CRACR2A: variants seen among roughly 807,000 people sequenced by gnomAD.
The protein encoded by CRACR2A is EF-hand calcium-binding domain-containing protein 4B.
Under a neutral mutation model 90.5 loss-of-function variants are expected in CRACR2A, and 79 were observed. The observed-to-expected ratio is 0.87, with a 90% CI of 0.73 to 1.05. The LOEUF is 1.05. Among genes scored for constraint, CRACR2A ranks in the 50% least tolerant of loss-of-function variants. The pLI, the probability that CRACR2A is intolerant of heterozygous loss-of-function variation, is 0.00. For missense variants in CRACR2A, 823 were observed against 897.2 expected, an observed-to-expected ratio of 0.92 and a Z score of 1.06; for synonymous variants, 338 against 356.7, an observed-to-expected ratio of 0.95 and a Z score of 0.59.
In CRACR2A at chr12:3,680,315, T is replaced by G. The variant is rs1369350512; in HGVS notation, c.263A>C (p.Glu88Ala). Residue 88 changes from glutamate to alanine, a missense_variant, in exon 5 of 20, where the codon GAA becomes GCA. Glu to Ala is a moderately radical substitution (Grantham distance 107). Transcript: ENST00000440314. ...CAGGGCATCAAACACATCCTCCAGTTCCTCCAGGCTGAGCGGTAGCTCCTT... is the reference window on the plus strand; with the variant it reads ...CAGGGCATCAAACACATCCTCCAGTGCCTCCAGGCTGAGCGGTAGCTCCTT... ...LHKELPLSLE[E>A]LEDVFDALDA... The G allele has an allele frequency of 2.5e-6, 4 of 1,614,026 alleles. No individual in the cohort carries two copies. Among genetic ancestry groups the G allele is most frequent in the East Asian group, 4.5e-5 (2 of 44,898 alleles).
chr12:3,688,712 A>G (rs1945606387), intron 4 of CRACR2A, among the ~76,000 whole-genome samples: 1 of 152,122 alleles, frequency 6.6e-6, no homozygotes, highest in Non-Finnish European at 1.5e-5. Context: ...AGTTTTTTCT[A>G]GTTCTGTGAA....
intron 3 of CRACR2A, among the ~76,000 whole-genome samples, chr12:3,707,170 C>T (rs550866391): frequency 2.6e-5 from 4 of 152,168 alleles, no homozygotes; most frequent in African/African-American, 4.8e-5. Flanking sequence ...CATTTGACTG[C>T]CTTTGAAATG....
chr12:3,735,219 G>A (rs1348244080), intron 1 of CRACR2A, among the ~76,000 whole-genome samples: 1 of 152,062 alleles, frequency 6.6e-6, no homozygotes, highest in Non-Finnish European at 1.5e-5. Context: ...AATAAAGCTG[G>A]AAGAAAATGA....
intron 2 of CRACR2A, among the ~76,000 whole-genome samples, chr12:3,714,314 C>T (rs1015434859): frequency 6.6e-6 from 1 of 152,170 alleles, no homozygotes; most frequent in East Asian, 1.9e-4. Flanking sequence ...AATAAAAATA[C>T]ACAGACCAAA....
chr12:3,619,202 C>T, intron 18 of CRACR2A, 69 bp downstream of exon 18: 1 of 1,304,206 alleles, frequency 7.7e-7, no homozygotes, highest in Non-Finnish European at 1.1e-6. Context: ...CACCAAGGCT[C>T]TTGGGCACTT....
chr12:3,700,757 T>C (rs1431968812), intron 3 of CRACR2A, among the ~76,000 whole-genome samples: 1 of 152,202 alleles, frequency 6.6e-6, no homozygotes, highest in Non-Finnish European at 1.5e-5. Flanking sequence ...AAAGTCACAA[T>C]GATATCCAAA....
At chr12:3,689,707 A>G (rs1050465519) in intron 4 of CRACR2A, among the ~76,000 whole-genome samples, 1 of 152,080 alleles carries the variant, frequency 6.6e-6, no homozygotes, top group South Asian at 2.1e-4. Flanking sequence ...CTGGCCTCAT[A>G]GAGTGAGTTA....
rs1373825504 is a variant in CRACR2A, at chr12:3,627,463, C to T, written c.1905G>A (p.Ser635=). 14 of 1,551,856 alleles carry T rather than the reference C, an allele frequency of 9.0e-6. No homozygotes were observed. The highest frequency in any genetic ancestry group is 1.7e-4 in the Middle Eastern group (1 of 6,016). ...CCACGCTGCTCAGCCACCGCCGGAC[C>T]GACAGGAACGACTGCTTGTCTGTGA... is the stretch of plus-strand genomic sequence containing the variant. The part of the protein sequence containing the change: ...YDLTDKQSFL[S]VRRWLSSVEE... The change falls in exon 17 of 20, where the codon TCG becomes TCA. Residue 635 remains serine (S), a synonymous_variant. Coordinates refer to ENST00000440314, the MANE Select transcript of CRACR2A (RefSeq NM_001144958.2).
intron 10 of CRACR2A, among the ~76,000 whole-genome samples, chr12:3,653,144 G>C (rs1001164364): frequency 6.6e-6 from 1 of 152,114 alleles, no homozygotes; most frequent in South Asian, 2.1e-4. Flanking sequence ...CATCATGCCT[G>C]GCTAATTTTT....
At chr12:3,735,548 G>A (rs1221331571) in intron 1 of CRACR2A, among the ~76,000 whole-genome samples, 1 of 152,170 alleles carries the variant, frequency 6.6e-6, no homozygotes, top group East Asian at 1.9e-4. Flanking sequence ...AGTTTTCTGG[G>A]TACTAACCCA....
chr12:3,682,596 T>C (rs939875568), intron 4 of CRACR2A, among the ~76,000 whole-genome samples: 15 of 152,186 alleles, frequency 9.9e-5, no homozygotes, highest in African/African-American at 3.6e-4. Context: ...CTGCAACTGA[T>C]TCTATACCTG....
chr12:3,615,394 C>T lies in CRACR2A; in HGVS notation c.2157G>A (p.Gln719=). The change falls in exon 20 of 20, where the codon CAG becomes CAA. Residue 719 remains glutamine, a synonymous_variant. Coordinates refer to ENST00000440314, the MANE Select transcript of CRACR2A (RefSeq NM_001144958.2). ...QEDTVREDTI[Q]VGHPAKKKSC... The stretch of plus-strand genomic sequence containing the variant: ...ATTTCTTCTTAGCAGGGTGGCCGAC[C>T]TGAATGGTGTCCTCTCTCACTGTGT... The T allele has an allele frequency of 1.3e-6, 2 of 1,551,540 alleles. No homozygotes were observed. The highest frequency in any genetic ancestry group is 1.7e-6 in the Non-Finnish European group (2 of 1,146,892).
chr12:3,638,680 A>T (rs1944504232), intron 13 of CRACR2A, among the ~76,000 whole-genome samples: 1 of 152,048 alleles, frequency 6.6e-6, no homozygotes, highest in Non-Finnish European at 1.5e-5. Flanking sequence ...GATGACAAAG[A>T]TGATGATGAT....
chr12:3,675,098 T>C (rs1945314814), intron 6 of CRACR2A, among the ~76,000 whole-genome samples: 1 of 152,222 alleles, frequency 6.6e-6, no homozygotes, highest in South Asian at 2.1e-4. Context: ...TGCTTGTCCA[T>C]TACAGTCATC....
chr12:3,638,594 C>G (rs1375963324), intron 13 of CRACR2A, 140 bp from the exon 14 acceptor site: 3 of 949,010 alleles, frequency 3.2e-6, no homozygotes, highest in Non-Finnish European at 3.0e-6. Flanking sequence ...GAGGGAAAAA[C>G]AAACCAGCCA....
Position 3,633,429 on chromosome 12 carries a change from G to A in CRACR2A, c.1735+175C>T, listed in dbSNP as rs962936811. On this transcript the variant is annotated intron_variant, in intron 15 of 19. Coordinates refer to ENST00000440314, the MANE Select transcript of CRACR2A (RefSeq NM_001144958.2). This position sits in a 1 kb window ranked among gnomAD's most constrained non-coding sequence, Gnocchi z 4.5. The stretch of plus-strand genomic sequence containing the variant: ...GCAGCTAGCAGCGTGAGGGGAGGTG[G>A]CTTCATCTTGCCCCTCCCAGCCTGT... Among the ~76,000 whole-genome samples, 5 of 152,132 alleles carry A rather than the reference G, an allele frequency of 3.3e-5. No homozygotes were observed. Among genetic ancestry groups the A allele is most frequent in the African/African-American group, 1.2e-4 (5 of 41,414 alleles).
chr12:3,648,007 C>T, intron 11 of CRACR2A: 1 of 985,812 alleles, frequency 1.0e-6, no homozygotes, highest in Non-Finnish European at 1.2e-6. Flanking sequence ...TCTTGGTGCT[C>T]TGTTTGTGAT....
At chr12:3,708,569 T>A (rs367740958) in intron 3 of CRACR2A, among the ~76,000 whole-genome samples, 1 of 152,048 alleles carries the variant, frequency 6.6e-6, no homozygotes, top group Admixed American at 6.5e-5. Context: ...GGACTACAGG[T>A]GCCCGCCACC....
At chr12:3,619,949 G>C (rs745894386) in intron 17 of CRACR2A, among the ~76,000 whole-genome samples, 1 of 152,242 alleles carries the variant, frequency 6.6e-6, no homozygotes, top group African/African-American at 2.4e-5. Context: ...CATGTGCCTT[G>C]CTGGAGGCTG....
Sources: gnomAD v4.1 joint callset for allele counts (sites outside exome capture counted in the v4.1 genomes callset) on GRCh38, gnomAD v4.1.1 for gene constraint, Gnocchi (gnomAD v3.1) non-coding constraint, MANE v1.5 for transcripts, NCBI Gene and HGNC (gene_info 2026-07-23, HGNC 2026-07-21) for gene names.